Variants in RBFOX1 observed in about 807,000 individuals in gnomAD.
RBFOX1 encodes RNA binding protein fox-1 homolog 1.
A neutral mutation model predicts 57.7 loss-of-function variants in RBFOX1; 8 were observed. The ratio of observed to expected loss-of-function variants is 0.14; its 90% confidence interval spans 0.08 to 0.25. The LOEUF is 0.25. Ranked by LOEUF, RBFOX1 falls within the 10% of genes least tolerant of loss-of-function variation. RBFOX1 has a pLI of 1.00. For missense variants in RBFOX1, 611 were observed against 548.5 expected, an observed-to-expected ratio of 1.11 and a Z score of -1.14; for synonymous variants, 326 against 222.4, an observed-to-expected ratio of 1.47 and a Z score of -4.15.
At chr16:5,360,815 A>G (rs1300515620) in intron 1 of RBFOX1, among the ~76,000 whole-genome samples, 1 of 152,200 alleles carries the variant, frequency 6.6e-6, no homozygotes, top group African/African-American at 2.4e-5. Flanking sequence ...AATTTCTTCC[A>G]TCTTTGCCTC....
chr16:5,926,493 C>G (rs1458241716), intron 4 of RBFOX1, among the ~76,000 whole-genome samples: 1 of 152,062 alleles, frequency 6.6e-6, no homozygotes, highest in African/African-American at 2.4e-5. Context: ...AGTGAGTGGT[C>G]CAGACCTCAC....
At chr16:5,925,872 C>T (rs148503600) in intron 4 of RBFOX1, among the ~76,000 whole-genome samples, 80 of 152,280 alleles carry the variant, frequency 5.3e-4, no homozygotes, top group African/African-American at 1.9e-3. Context: ...CTACCTTGGG[C>T]AGTGTTTCAC....
chr16:5,409,428 C>G (rs1248961520), intron 1 of RBFOX1, among the ~76,000 whole-genome samples: 4 of 152,218 alleles, frequency 2.6e-5, no homozygotes, highest in Non-Finnish European at 5.9e-5. Flanking sequence ...TCTCCGGAGG[C>G]TTTTTCCCTC....
At chr16:6,430,967 G>GAA (rs59044318) in intron 2 of RBFOX1, among the ~76,000 whole-genome samples, 274 of 90,444 alleles carry the variant, frequency 3.0e-3, no homozygotes, top group East Asian at 9.5e-3. Context: ...CTCATCTCCA[G>GAA]AAAAAAAAAA....
chr16:7,203,039 G>A (rs946848068), intron 4 of RBFOX1, among the ~76,000 whole-genome samples: 1 of 152,122 alleles, frequency 6.6e-6, no homozygotes, highest in Non-Finnish European at 1.5e-5. Flanking sequence ...GCCTGCCTCG[G>A]CCTCCCAAAG....
At chr16:5,406,467 G>C (rs1033433222) in intron 1 of RBFOX1, among the ~76,000 whole-genome samples, 1 of 152,044 alleles carries the variant, frequency 6.6e-6, no homozygotes, top group African/African-American at 2.4e-5. Context: ...GTTTTTCTGG[G>C]TTTCCAGTTT....
At position 7,504,995 on chromosome 16, in the gene RBFOX1, T is replaced by C. The variant is rs551892625; in HGVS notation, c.28-13152T>C. Among the ~76,000 whole-genome samples the C allele has an allele frequency of 3.3e-5, 5 of 150,016 alleles. No individual in the cohort carries two copies. In the East Asian group the frequency reaches 8.0e-4, roughly 24 times the overall value. ...GAAATGCTTCAGTGCAATGTTAGGA[T>C]ATTCTAATGGGGAAACTTTTTTCAG... is the stretch of plus-strand genomic sequence containing the variant. On this transcript the variant is annotated intron_variant, in intron 4 of 15. Coordinates refer to ENST00000550418, the MANE Select transcript of RBFOX1 (RefSeq NM_018723.4).
intron 3 of RBFOX1, among the ~76,000 whole-genome samples, chr16:5,618,170 T>C (rs1036522801): frequency 6.6e-6 from 1 of 152,200 alleles, no homozygotes; most frequent in African/African-American, 2.4e-5. Flanking sequence ...CTCCCTACTC[T>C]GTCGTCTCTT....
chr16:5,313,312 C>T (rs1281374470), intron 1 of RBFOX1, among the ~76,000 whole-genome samples: 1 of 152,074 alleles, frequency 6.6e-6, no homozygotes, highest in Non-Finnish European at 1.5e-5. Flanking sequence ...AGAGCAAGGA[C>T]CAGGTGACAA....
At chr16:7,105,288 AT>A (rs58447850) in intron 4 of RBFOX1, among the ~76,000 whole-genome samples, 6,251 of 138,072 alleles carry the variant, frequency 0.045, 349 homozygotes, top group African/African-American at 0.14. Context: ...ATATGGTCTG[AT>A]TTTTTTTTTT....
At position 7,341,760 on chromosome 16, in the gene RBFOX1, CTCCT is replaced by C. The variant is rs1568306090; in HGVS notation, c.28-176383_28-176380del. 1.4e-3 allele frequency among the ~76,000 whole-genome samples: 142 copies of C among 104,884 alleles called. 2 individuals are homozygous for C. The highest frequency in any genetic ancestry group is 4.8e-3 in the African/African-American group (128 of 26,472). 68.8% of individuals were successfully genotyped at this position (104,884 alleles called of 152,430 possible). A position where few individuals can be genotyped will look rare whatever the true frequency, so the allele number is the denominator to read the frequency against. On this transcript the variant is annotated intron_variant, in intron 4 of 15. Transcript: ENST00000550418. ...CTTCCCTCCCTCCCTCCCTCCTTCC[CTCCT>C]TCCCTCCCTCCCTCCTTCCTTCCTT... is the stretch of plus-strand genomic sequence containing the variant.
Position 5,980,119 on chromosome 16 carries a change from A to C in RBFOX1, c.351+112784A>C, listed in dbSNP as rs535652430. On this transcript the variant is annotated intron_variant, in intron 4 of 19. Transcript: ENST00000641259. ...TTTCTGCCAGCAGCCTTTCTCTGGA[A>C]GGCAGGAAACTGCAATCTTAGCTAT... 2.6e-5 allele frequency among the ~76,000 whole-genome samples: 4 copies of C among 152,346 alleles called. No individual in the cohort carries two copies. In the South Asian group the frequency reaches 6.2e-4, roughly 24 times the overall value.
intron 3 of RBFOX1, among the ~76,000 whole-genome samples, chr16:6,830,417 A>T (rs547428822): frequency 1.3e-5 from 2 of 152,198 alleles, no homozygotes; most frequent in East Asian, 1.9e-4. Context: ...TAATAGATCA[A>T]TGAAGAAAAA....
intron 2 of RBFOX1, among the ~76,000 whole-genome samples, chr16:6,604,183 A>C (rs919348493): frequency 6.6e-6 from 1 of 151,714 alleles, no homozygotes; most frequent in African/African-American, 2.4e-5. Flanking sequence ...ACTGTGATCA[A>C]CCCAGCAATT....
intron 3 of RBFOX1, among the ~76,000 whole-genome samples, chr16:6,822,293 A>G (rs1177028172): frequency 6.6e-6 from 1 of 152,136 alleles, no homozygotes; most frequent in Non-Finnish European, 1.5e-5. Flanking sequence ...TTCTATCACC[A>G]TTATTCTTTG....
At chr16:7,060,560 G>C (rs538077992) in intron 4 of RBFOX1, among the ~76,000 whole-genome samples, 1 of 152,272 alleles carries the variant, frequency 6.6e-6, no homozygotes, top group East Asian at 1.9e-4. Flanking sequence ...GAACAGAATA[G>C]CTACAATTAG....
intron 1 of RBFOX1, among the ~76,000 whole-genome samples, chr16:5,446,677 C>T (rs2068249051): frequency 6.6e-6 from 1 of 152,006 alleles, no homozygotes; most frequent in Non-Finnish European, 1.5e-5. Flanking sequence ...GCTGTGATTC[C>T]AGAAGACCCT....
At chr16:7,619,559 A>G (rs1012142320) in intron 10 of RBFOX1, among the ~76,000 whole-genome samples, 5 of 152,204 alleles carry the variant, frequency 3.3e-5, no homozygotes, top group Non-Finnish European at 4.4e-5. Flanking sequence ...CATTCCACAA[A>G]TAGAGTCCCT....
intron 3 of RBFOX1, among the ~76,000 whole-genome samples, chr16:6,860,884 T>C (rs1163530367): frequency 1.3e-5 from 2 of 152,144 alleles, no homozygotes; most frequent in Non-Finnish European, 2.9e-5. Flanking sequence ...AAAATAGATA[T>C]TCCAAAATAT....
Sources: allele counts gnomAD v4.1 joint callset (sites outside exome capture counted in the v4.1 genomes callset), GRCh38; gene constraint gnomAD v4.1.1; transcripts MANE v1.5; gene names NCBI Gene and HGNC (gene_info 2026-07-23, HGNC 2026-07-21).